The following ROR1 variants were observed in gnomAD, a reference collection of about 807,000 sequenced individuals.
The protein encoded by ROR1 is inactive tyrosine-protein kinase transmembrane receptor ROR1.
ROR1 carries 19 observed loss-of-function variants against 78.8 expected under a neutral mutation model. That is an observed-to-expected ratio of 0.24 (90% CI 0.17 to 0.35). The LOEUF is 0.35. ROR1 is among the 10% of genes least tolerant of loss of function. ROR1 has a pLI of 1.00. For missense variants in ROR1, 917 were observed against 1,177.8 expected, an observed-to-expected ratio of 0.78 and a Z score of 3.24; for synonymous variants, 386 against 433.6, an observed-to-expected ratio of 0.89 and a Z score of 1.36.
At chr1:63,955,454 G>A (rs1346322781) in intron 1 of ROR1, among the ~76,000 whole-genome samples, 2 of 151,922 alleles carry the variant, frequency 1.3e-5, no homozygotes, top group Admixed American at 1.3e-4. Flanking sequence ...TTTGCCCTTT[G>A]GACTTATTTT....
intron 2 of ROR1, among the ~76,000 whole-genome samples, chr1:64,023,904 G>A (rs1416230616): frequency 6.6e-6 from 1 of 152,172 alleles, no homozygotes; most frequent in African/African-American, 2.4e-5. Context: ...GAGGGACATG[G>A]TAGGAGGTGA....
At chr1:64,039,969 T>C (rs1646733334) in intron 2 of ROR1, among the ~76,000 whole-genome samples, 1 of 152,204 alleles carries the variant, frequency 6.6e-6, no homozygotes, top group African/African-American at 2.4e-5. Context: ...TTTTTTGTTG[T>C]TGTTTTTAAG....
At chr1:63,815,478 C>CTTTT (rs1446331528) in intron 1 of ROR1, among the ~76,000 whole-genome samples, 18 of 103,496 alleles carry the variant, frequency 1.7e-4, no homozygotes, top group African/African-American at 6.3e-4. Flanking sequence ...CTTTTCTTTT[C>CTTTT]TTTTTCTTTT....
At chr1:63,882,150 G>A (rs772822186) in intron 1 of ROR1, among the ~76,000 whole-genome samples, 3 of 152,114 alleles carry the variant, frequency 2.0e-5, no homozygotes, top group Non-Finnish European at 4.4e-5. Context: ...AACAAGAGAA[G>A]TGCATTTTAG....
At chr1:64,145,067 A>G (rs1017349741) in intron 7 of ROR1, among the ~76,000 whole-genome samples, 5 of 152,236 alleles carry the variant, frequency 3.3e-5, no homozygotes, top group African/African-American at 1.2e-4. Flanking sequence ...AGTACACATT[A>G]TCTATTATTA....
In ROR1 at chr1:63,840,495, T is replaced by A. The variant is rs201381422; in HGVS notation, c.91+65987T>A. ...CAGGGTTTCACCGTGTTGGCCAGGC[T>A]GGTCTCGAACTCTTGACCTCAGGTG... On this transcript the variant is annotated intron_variant, in intron 1 of 8. Coordinates refer to ENST00000371079, the MANE Select transcript of ROR1 (RefSeq NM_005012.4). 3.9e-5 allele frequency among the ~76,000 whole-genome samples: 6 copies of A among 152,194 alleles called. No homozygotes were observed. In the East Asian group the frequency reaches 1.2e-3, roughly 30 times the overall value.
intron 1 of ROR1, among the ~76,000 whole-genome samples, chr1:63,861,004 G>A (rs570146346): frequency 1.3e-5 from 2 of 152,204 alleles, no homozygotes; most frequent in Non-Finnish European, 1.5e-5. Context: ...CTTGACACAC[G>A]GTTGGTAATG....
chr1:64,128,265 G>A (rs567571612), intron 4 of ROR1, among the ~76,000 whole-genome samples: 46 of 131,878 alleles, frequency 3.5e-4, no homozygotes, highest in African/African-American at 1.3e-3. Context: ...GACCAGCCTG[G>A]GCAACATAGC....
intron 1 of ROR1, among the ~76,000 whole-genome samples, chr1:63,946,697 G>T (rs1054974684): frequency 6.6e-6 from 1 of 152,256 alleles, no homozygotes; most frequent in Admixed American, 6.5e-5. Flanking sequence ...TTGAATTCAG[G>T]TATTTAGATT....
At chr1:63,979,581 C>T (rs931506695) in intron 1 of ROR1, among the ~76,000 whole-genome samples, 1 of 152,106 alleles carries the variant, frequency 6.6e-6, no homozygotes, top group Admixed American at 6.6e-5. Flanking sequence ...GCCTGAAACC[C>T]GACCTCTTTC....
At chr1:63,828,045 A>G (rs1644966006) in intron 1 of ROR1, among the ~76,000 whole-genome samples, 1 of 152,190 alleles carries the variant, frequency 6.6e-6, no homozygotes, top group Admixed American at 6.5e-5. Flanking sequence ...TTACACATCA[A>G]GCATTTATCT....
At chr1:64,032,998 C>T (rs1323566959) in intron 2 of ROR1, among the ~76,000 whole-genome samples, 3 of 151,898 alleles carry the variant, frequency 2.0e-5, no homozygotes, top group Admixed American at 6.6e-5. Context: ...TTAGTGGGCA[C>T]GAGGTTTCAG....
chr1:63,995,191 A>G (rs2100526342), intron 1 of ROR1, among the ~76,000 whole-genome samples: 1 of 152,352 alleles, frequency 6.6e-6, no homozygotes, highest in South Asian at 2.1e-4. Flanking sequence ...AATGAAAAGG[A>G]GTTGCAAAAT....
chr1:63,868,685 CCA>C (rs1475925401), intron 1 of ROR1, among the ~76,000 whole-genome samples: 2 of 152,102 alleles, frequency 1.3e-5, no homozygotes, highest in Non-Finnish European at 2.9e-5. Context: ...GTGCTGATAA[CCA>C]TGTGAGTTCA....
chr1:64,125,891 C>T (rs1285774378), intron 4 of ROR1, among the ~76,000 whole-genome samples: 1 of 152,166 alleles, frequency 6.6e-6, no homozygotes, highest in African/African-American at 2.4e-5. Context: ...ATGTACTAGA[C>T]TCTGCTGGGA....
chr1:63,774,402 C>T lies in ROR1; in HGVS notation c.-16C>T. The T allele has an allele frequency of 8.0e-7, 1 of 1,255,256 alleles. No homozygotes were observed. The highest frequency in any genetic ancestry group is 4.0e-5 in the East Asian group (1 of 24,730). The allele number at this position is 1,255,256 out of a possible 1,614,324, so 77.8% of individuals were successfully genotyped here. ...GCCTGGGAGCCGCCGCCGCCGCCGC[C>T]TCAGCGAGAGGAGGAATGCACCGGC... On this transcript the variant is annotated 5_prime_UTR_variant, in exon 1 of 9. Coordinates refer to ENST00000371079, the MANE Select transcript of ROR1 (RefSeq NM_005012.4). The surrounding 1 kb of genome is among the most constrained non-coding windows in gnomAD (Gnocchi z 5.7).
intron 1 of ROR1, among the ~76,000 whole-genome samples, chr1:63,900,789 T>G (rs780229385): frequency 6.6e-6 from 1 of 152,206 alleles, no homozygotes. Flanking sequence ...TGTATGTATC[T>G]GTTTTGAAAT....
chr1:63,961,519 A>G (rs1026592775), intron 1 of ROR1, among the ~76,000 whole-genome samples: 1 of 152,210 alleles, frequency 6.6e-6, no homozygotes, highest in African/African-American at 2.4e-5. Flanking sequence ...ATATAATCAA[A>G]TCTTGTCATT....
At chr1:63,950,829 G>A (rs1177701423) in intron 1 of ROR1, among the ~76,000 whole-genome samples, 1 of 152,178 alleles carries the variant, frequency 6.6e-6, no homozygotes, top group African/African-American at 2.4e-5. Context: ...CCCTGCAAGA[G>A]TTAAACTATT....
Sources: gnomAD v4.1 joint callset for allele counts (sites outside exome capture counted in the v4.1 genomes callset) on GRCh38, gnomAD v4.1.1 for gene constraint, Gnocchi (gnomAD v3.1) non-coding constraint, MANE v1.5 for transcripts, NCBI Gene and HGNC (gene_info 2026-07-23, HGNC 2026-07-21) for gene names.